KCNK9: variants seen among roughly 807,000 people sequenced by gnomAD.
KCNK9 encodes the protein potassium two pore domain channel subfamily K member 9.
A neutral mutation model predicts 10.8 loss-of-function variants in KCNK9; 1 was observed. The ratio of observed to expected loss-of-function variants is 0.09; its 90% CI spans 0.03 to 0.44. KCNK9 has a LOEUF of 0.44. Among genes scored for constraint, KCNK9 ranks in the 20% least tolerant of loss-of-function variants. The pLI is 0.97. For missense variants in KCNK9, 303 were observed against 515.0 expected (o/e 0.59, Z 3.98); for synonymous variants, 231 against 222.7 (o/e 1.04, Z -0.33).
chr8:139,616,648 G>A (rs1056752945), downstream of KCNK9: 10 of 152,124 alleles, frequency 6.6e-5, no homozygotes, highest in African/African-American at 2.4e-4. Context: ...CCTCCTTTCT[G>A]GGAGATCTCG....
At chr8:139,695,766 G>A (rs1304134940) in intron 1 of KCNK9, among the ~76,000 whole-genome samples, 1 of 152,138 alleles carries the variant, frequency 6.6e-6, no homozygotes, top group Non-Finnish European at 1.5e-5. Flanking sequence ...AGCCTACCTG[G>A]GCTGGTTGCC....
chr8:139,678,200 G>A (rs1816607813), intron 1 of KCNK9, among the ~76,000 whole-genome samples: 1 of 152,236 alleles, frequency 6.6e-6, no homozygotes, highest in South Asian at 2.1e-4. Flanking sequence ...GGAAGGCACT[G>A]GAATCAAGAT....
chr8:139,692,363 C>G lies in KCNK9; in HGVS notation c.283+10347G>C, dbSNP rs563013061. On this transcript the variant is annotated intron_variant, in intron 1 of 1. Transcript: ENST00000520439. ...ATGACAAGAAGGTGAACATGGAATG[C>G]TGAAGCCATTCTTGGATGTGATCAT... is the stretch of plus-strand genomic sequence containing the variant. 1.9e-3 allele frequency among the ~76,000 whole-genome samples: 297 copies of G among 152,348 alleles called. 1 individual carries two copies. Among genetic ancestry groups the G allele is most frequent in the African/African-American group, 6.8e-3 (281 of 41,574 alleles).
chr8:139,663,935 G>A (rs1440563381), intron 1 of KCNK9, among the ~76,000 whole-genome samples: 2 of 152,166 alleles, frequency 1.3e-5, no homozygotes, highest in South Asian at 2.1e-4. Flanking sequence ...TCAAGGAAAC[G>A]AGAAGAAATT....
intron 1 of KCNK9, among the ~76,000 whole-genome samples, chr8:139,688,973 GT>G (rs1438049626): frequency 6.6e-6 from 1 of 152,058 alleles, no homozygotes; most frequent in East Asian, 1.9e-4. Context: ...GGATGTAACT[GT>G]TTTTGGAAAA....
At chr8:139,616,490 T>C (rs1297696851), downstream of KCNK9, 2 of 152,222 alleles carry the variant, frequency 1.3e-5, no homozygotes, top group Admixed American at 1.3e-4. Flanking sequence ...ACATGGGATG[T>C]AGCATTAAAG....
At chr8:139,666,366 T>A (rs1352968686) in intron 1 of KCNK9, among the ~76,000 whole-genome samples, 1 of 152,248 alleles carries the variant, frequency 6.6e-6, no homozygotes, top group African/African-American at 2.4e-5. Context: ...CAGTGCTGTG[T>A]GAGGTGCTTT....
At chr8:139,630,344 A>T (rs796223492) in intron 1 of KCNK9, among the ~76,000 whole-genome samples, 2 of 152,194 alleles carry the variant, frequency 1.3e-5, no homozygotes, top group African/African-American at 4.8e-5. Flanking sequence ...GTCTGCTCGC[A>T]GGGGCTTGCT....
intron 1 of KCNK9, among the ~76,000 whole-genome samples, chr8:139,692,487 G>T (rs1816953615): frequency 6.6e-6 from 1 of 152,100 alleles, no homozygotes; most frequent in African/African-American, 2.4e-5. Flanking sequence ...AGCTATTTGG[G>T]GATTCAACAC....
intron 1 of KCNK9, among the ~76,000 whole-genome samples, chr8:139,650,527 C>G (rs750726355): frequency 1.3e-5 from 2 of 152,180 alleles, no homozygotes; most frequent in Non-Finnish European, 2.9e-5. Context: ...TCCCCTCTCC[C>G]TCATCCCCCT....
intron 1 of KCNK9, among the ~76,000 whole-genome samples, chr8:139,627,407 G>A (rs1815011359): frequency 6.6e-6 from 1 of 152,208 alleles, no homozygotes; most frequent in Admixed American, 6.5e-5. Context: ...AGGGTTTGGG[G>A]CTTGACTGGT....
chr8:139,648,383 C>G (rs370335117), intron 1 of KCNK9, among the ~76,000 whole-genome samples: 33 of 152,320 alleles, frequency 2.2e-4, no homozygotes, highest in African/African-American at 7.7e-4. Context: ...CTAAATGCCA[C>G]CAAATTGTAC....
At chr8:139,629,169 T>A (rs1370457332) in intron 1 of KCNK9, among the ~76,000 whole-genome samples, 1 of 152,218 alleles carries the variant, frequency 6.6e-6, no homozygotes, top group Non-Finnish European at 1.5e-5. Context: ...ACATCAGCTG[T>A]CATAGTTACA....
chr8:139,623,495 G>A (rs1382540688), intron 1 of KCNK9, among the ~76,000 whole-genome samples: 4 of 152,172 alleles, frequency 2.6e-5, no homozygotes, highest in East Asian at 3.9e-4. Flanking sequence ...ACACGAGCAG[G>A]TGCGGATAGA....
downstream of KCNK9, among the ~76,000 whole-genome samples, chr8:139,609,945 G>A (rs1035222954): frequency 3.3e-5 from 5 of 152,152 alleles, no homozygotes; most frequent in Non-Finnish European, 7.3e-5. Context: ...CAGGCCCAGA[G>A]GAGTGGGATG....
intron 1 of KCNK9, among the ~76,000 whole-genome samples, chr8:139,663,648 C>CGT (rs34660685): frequency 0.39 from 53,878 of 137,448 alleles, 11,192 homozygotes; most frequent in Non-Finnish European, 0.5. Context: ...CGCGTGCGCA[C>CGT]GTGTGTGTGT....
chr8:139,618,239 C>G lies in KCNK9; in HGVS notation c.*19G>C, dbSNP rs758116894. The G allele has an allele frequency of 6.2e-7, 1 of 1,614,138 alleles. No individual in the cohort carries two copies. The highest frequency in any genetic ancestry group is 1.1e-5 in the South Asian group (1 of 91,046). ...CAACTATGACAAATGACTTTTCTGT[C>G]CCATTTCCCTCCCCACACCTAAACG... is the stretch of plus-strand genomic sequence containing the variant. On this transcript the variant is annotated 3_prime_UTR_variant, in exon 2 of 2. Transcript: ENST00000520439. The surrounding 1 kb of genome is among the most constrained non-coding windows in gnomAD (Gnocchi z 7.9).
Position 139,618,993 on chromosome 8 carries a change from C to T in KCNK9, c.390G>A (p.Glu130=), listed in dbSNP as rs780846538. The stretch of plus-strand genomic sequence containing the variant: ...GGTAGCGCACGAAGGTGTTCATGCG[C>T]TCGCCCAGGCTCTGGAACATGACCA... ...LTLVMFQSLG[E]RMNTFVRYLL... Residue 130 remains glutamate, a synonymous_variant, in exon 2 of 2, where the codon GAG becomes GAA. Transcript: ENST00000520439. This position sits in a 1 kb window ranked among gnomAD's most constrained non-coding sequence, Gnocchi z 7.9. 2 of 1,614,204 alleles carry T rather than the reference C, an allele frequency of 1.2e-6. No homozygotes were observed. Among genetic ancestry groups the T allele is most frequent in the African/African-American group, 1.3e-5 (1 of 75,050 alleles).
chr8:139,610,044 C>T (rs1240656926), downstream of KCNK9, among the ~76,000 whole-genome samples: 1 of 152,168 alleles, frequency 6.6e-6, no homozygotes, highest in Non-Finnish European at 1.5e-5. Flanking sequence ...CTTTCCTGTA[C>T]ATCATCCCAC....
Sources: allele counts gnomAD v4.1 joint callset (sites outside exome capture counted in the v4.1 genomes callset), GRCh38; gene constraint gnomAD v4.1.1; non-coding constraint Gnocchi (gnomAD v3.1); transcripts MANE v1.5; gene names NCBI Gene and HGNC (gene_info 2026-07-23, HGNC 2026-07-21).